The following PHF11 variants were observed in gnomAD, a reference collection of about 807,000 sequenced individuals.
PHF11 encodes the protein BRCA1 C-terminus-associated protein.
Under a neutral mutation model 40.5 loss-of-function variants are expected in PHF11, and 38 were observed. The ratio of observed to expected loss-of-function variants is 0.94; its 90% CI spans 0.72 to 1.23. The LOEUF (loss-of-function observed/expected upper bound fraction) is 1.23, where lower values mean the gene tolerates loss of function less well. Among genes scored for constraint, PHF11 ranks in the 50% most tolerant of loss-of-function variants. The probability of loss-of-function intolerance (pLI) is 0.00; values close to 1 mark genes in which losing one functional copy is unlikely to be tolerated. For synonymous variants in PHF11, 127 were observed against 138.2 expected, an observed-to-expected ratio of 0.92 and a Z score of 0.57; for missense variants, 369 against 392.4, an observed-to-expected ratio of 0.94 and a Z score of 0.50.
rs115650020 is a variant in PHF11, at chr13:49,514,939, A to G, written c.324+1773A>G. Among the ~76,000 whole-genome samples, 650 of 152,252 alleles carry G rather than the reference A, an allele frequency of 4.3e-3. 3 individuals carry two copies. The highest frequency in any genetic ancestry group is 0.012 in the African/African-American group (515 of 41,546). On this transcript the variant is annotated intron_variant, in intron 3 of 9. Transcript: ENST00000378319. ...AAGTAGCAGACAGACCTCAACTGGA[A>G]TATTTTTTTGCTCTTCACTAATTGG...
chr13:49,519,692 C>CTTGAG (rs10641523), intron 4 of PHF11, among the ~76,000 whole-genome samples: 109,114 of 151,060 alleles, frequency 0.72, 40,340 homozygotes, highest in African/African-American at 0.87. Context: ...GGAGCTTGGC[C>CTTGAG]TTGAGAATTG....
At chr13:49,507,475 C>T (rs1351581752) in intron 2 of PHF11, among the ~76,000 whole-genome samples, 1 of 152,170 alleles carries the variant, frequency 6.6e-6, no homozygotes, top group Non-Finnish European at 1.5e-5. Context: ...TTGTCTAGGT[C>T]TCCTTCTCAT....
In PHF11 at chr13:49,518,130, A is replaced by G; in HGVS notation, c.437A>G (p.Asp146Gly). 1 of 1,602,902 alleles carries G rather than the reference A, an allele frequency of 6.2e-7. No homozygotes were observed. Among genetic ancestry groups the G allele is most frequent in the Non-Finnish European group, 8.5e-7 (1 of 1,173,608 alleles). The change falls in exon 4 of 10, where the codon GAT becomes GGT. Residue 146 changes from aspartate (D) to glycine (G), a missense_variant. Physicochemically the swap from Asp to Gly is moderately conservative, Grantham distance 94 (BLOSUM62 -1). Transcript: ENST00000378319. The part of the protein sequence containing the change: ...AKKDDAVPQS[D>G]GVRGIYKLLC... ...AAGGACGACGCAGTTCCACAGTCTG[A>G]TGGAGTTCGAGGAATTTATAAGTAT... is the stretch of plus-strand genomic sequence containing the variant.
intron 3 of PHF11, among the ~76,000 whole-genome samples, chr13:49,514,177 T>C (rs1272886900): frequency 1.3e-5 from 2 of 152,172 alleles, no homozygotes; most frequent in African/African-American, 4.8e-5. Context: ...GGACAGCAAG[T>C]GTGAGCACCT....
intron 2 of PHF11, among the ~76,000 whole-genome samples, chr13:49,507,193 C>T (rs1959013539): frequency 1.3e-5 from 2 of 152,002 alleles, no homozygotes; most frequent in South Asian, 4.1e-4. Flanking sequence ...GTGTGAGCCA[C>T]CACGCCCGGG....
chr13:49,523,201 A>G lies in PHF11; in HGVS notation c.597A>G (p.Thr199=). 3.1e-6 allele frequency: 5 copies of G among 1,612,310 alleles called. No homozygotes were observed. Among genetic ancestry groups the G allele is most frequent in the Non-Finnish European group, 4.2e-6 (5 of 1,178,314 alleles). ...VQPPETMKCN[T]FIRQVKEEHG... ...CACCCGAAACAATGAAATGTAATAC[A>G]TTCATAAGACAAGTGAAAGAAGAGC... The change falls in exon 7 of 10, where the codon ACA becomes ACG. Residue 199 remains threonine, a synonymous_variant. Transcript: ENST00000378319.
chr13:49,528,294 C>T (rs894484566), intron 9 of PHF11, among the ~76,000 whole-genome samples: 3 of 152,124 alleles, frequency 2.0e-5, no homozygotes, highest in African/African-American at 7.2e-5. Context: ...TACTGAACAG[C>T]TTTGTGTATG....
chr13:49,520,261 A>G (rs937561151), intron 4 of PHF11, among the ~76,000 whole-genome samples: 17 of 152,016 alleles, frequency 1.1e-4, no homozygotes. Context: ...GTTGGCCAGG[A>G]GGGTCTCCAT....
In PHF11 at chr13:49,526,421, TA is replaced by T. The variant is rs773018068; in HGVS notation, c.805del (p.Arg269AspfsTer8). 2 of 1,610,316 alleles carry T rather than the reference TA, an allele frequency of 1.2e-6. No individual in the cohort carries two copies. The highest frequency in any genetic ancestry group is 3.3e-5 in the Admixed American group (2 of 60,026). ...AAATCGGGAGTGCACTTTTTGACTG[TA>T]GATTGTTCGAAGACACATTTGTAAA... is the stretch of plus-strand genomic sequence containing the variant. The part of the protein sequence containing the change: ...EEIGSALFDC[R>X]LFEDTFVNFQ... On this transcript the variant is annotated frameshift_variant, in exon 9 of 10. Transcript: ENST00000378319. LOFTEE classifies it low-confidence loss of function (END_TRUNC).
intron 1 of PHF11, among the ~76,000 whole-genome samples, chr13:49,501,943 G>A (rs9805560): frequency 0.45 from 68,008 of 151,648 alleles, 16,204 homozygotes; most frequent in Middle Eastern, 0.57. Context: ...CACCCGCCTC[G>A]GCCTCCCAAA....
rs1272352605 is a variant in PHF11 at position 49,495,988 on chromosome 13, GC to G, written c.-13del. On this transcript the variant is annotated 5_prime_UTR_variant, in exon 1 of 10. Transcript: ENST00000378319. Reference sequence around the variant, plus strand: ...TCTCGCTATCCGGCCGCCACCCGCAGCTGCAGCACAGTCATGGCCCAGGCGT... The same window carrying G: ...TCTCGCTATCCGGCCGCCACCCGCAGTGCAGCACAGTCATGGCCCAGGCGT... 6.7e-7 allele frequency: 1 copy of G among 1,493,298 alleles called. No individual in the cohort carries two copies. Among genetic ancestry groups the G allele is most frequent in the Non-Finnish European group, 8.9e-7 (1 of 1,124,214 alleles). The allele number at this position is 1,493,298 out of a possible 1,614,324, so 92.5% of individuals were successfully genotyped here.
At chr13:49,513,218 A>G (rs750447524) in intron 3 of PHF11, 52 bp downstream of exon 3, 3 of 849,656 alleles carry the variant, frequency 3.5e-6, no homozygotes, top group African/African-American at 3.4e-5. Flanking sequence ...CCCTCAAGGA[A>G]TGCATTCCAA....
At chr13:49,501,000 G>GTTTTTTTTGTTTTTTTTTTTT (rs1958892451) in intron 1 of PHF11, among the ~76,000 whole-genome samples, 1 of 51,310 alleles carries the variant, frequency 1.9e-5, no homozygotes, top group African/African-American at 9.1e-5. Flanking sequence ...ACCAACTTTT[G>GTTTTTTTTGTTTTTTTTTTTT]TTTTTTTTTT....
intron 2 of PHF11, 142 bp downstream of exon 2, chr13:49,506,898 C>CTTTTTTTT (rs1169962633): frequency 7.6e-5 from 11 of 144,030 alleles, no homozygotes; most frequent in South Asian, 2.5e-4. Flanking sequence ...GGGAGCATTT[C>CTTTTTTTT]TTTTTTTTTT....
rs562128052 is a variant in PHF11, at chr13:49,496,006, C to A, written c.5C>A (p.Ala2Asp). Residue 2 changes from alanine to aspartate, a missense_variant, in exon 1 of 10, where the codon GCC (alanine) becomes GAC (aspartate). By Grantham distance (126) the Ala-to-Asp change is moderately radical (BLOSUM62 -2). Coordinates refer to ENST00000378319, the MANE Select transcript of PHF11 (RefSeq NM_001040443.3). M[A>D]QASPPRPERV... is the part of the protein sequence containing the mutation. ...ACCCGCAGCTGCAGCACAGTCATGG[C>A]CCAGGCGTCGCCGCCCCGGCCCGAG... 1.3e-6 allele frequency: 2 copies of A among 1,484,134 alleles called. No homozygotes were observed. Among genetic ancestry groups the A allele is most frequent in the South Asian group, 1.2e-5 (1 of 80,074 alleles). The allele number at this position is 1,484,134 out of a possible 1,614,324, so 91.9% of individuals were successfully genotyped here.
At chr13:49,521,472 G>T (rs1344221663) in intron 5 of PHF11, 1 of 986,124 alleles carries the variant, frequency 1.0e-6, no homozygotes, top group Non-Finnish European at 1.2e-6. Context: ...GGAAGACTTC[G>T]TTCTGCGTCA....
intron 4 of PHF11, among the ~76,000 whole-genome samples, chr13:49,519,410 A>C (rs569165265): frequency 1.3e-5 from 2 of 152,214 alleles, no homozygotes; most frequent in East Asian, 3.9e-4. Flanking sequence ...TATACTGATC[A>C]CACCCATTAG....
intron 8 of PHF11, among the ~76,000 whole-genome samples, chr13:49,525,376 T>C (rs941901097): frequency 1.3e-5 from 2 of 152,148 alleles, no homozygotes; most frequent in African/African-American, 4.8e-5. Context: ...GTCTCCAGAG[T>C]AGCTAAGATT....
intron 2 of PHF11, 71 bp downstream of exon 2, chr13:49,506,827 C>T (rs1405533509): frequency 1.6e-5 from 16 of 1,017,468 alleles, no homozygotes; most frequent in Non-Finnish European, 2.2e-5. Context: ...AATAGATAAA[C>T]AACACTTTGG....
Sources: allele counts gnomAD v4.1 joint callset (sites outside exome capture counted in the v4.1 genomes callset), GRCh38; gene constraint gnomAD v4.1.1; transcripts MANE v1.5; gene names NCBI Gene and HGNC (gene_info 2026-07-23, HGNC 2026-07-21).